The following SENP7 variants were observed in gnomAD, a reference collection of about 807,000 sequenced individuals.
The protein encoded by SENP7 is SUMO specific peptidase 7.
Under a neutral mutation model 141.2 loss-of-function variants are expected in SENP7, and 64 were observed. The observed-to-expected ratio is 0.45, with a 90% CI of 0.37 to 0.56. The LOEUF (loss-of-function observed/expected upper bound fraction) is 0.56, where lower values mean the gene tolerates loss of function less well. Among genes scored for constraint, SENP7 ranks in the 20% least tolerant of loss-of-function variants. SENP7 has a pLI of 0.00. For missense variants in SENP7, 1,025 were observed against 1,212.2 expected, an observed-to-expected ratio of 0.85 and a Z score of 2.29; for synonymous variants, 382 against 426.4, an observed-to-expected ratio of 0.90 and a Z score of 1.28.
intron 4 of SENP7, among the ~76,000 whole-genome samples, chr3:101,454,542 A>G (rs370672347): frequency 5.3e-5 from 8 of 152,142 alleles, no homozygotes; most frequent in African/African-American, 1.9e-4. Flanking sequence ...AAAAGAAAAC[A>G]TATGTCTACA....
At chr3:101,454,692 C>T (rs1307542225) in intron 4 of SENP7, among the ~76,000 whole-genome samples, 1 of 152,030 alleles carries the variant, frequency 6.6e-6, no homozygotes, top group Admixed American at 6.6e-5. Flanking sequence ...ATATATGCTA[C>T]AATATTAATA....
At position 101,341,846 on chromosome 3, in the gene SENP7, T is replaced by A. The variant is rs573964814; in HGVS notation, c.2107-67A>T. On this transcript the variant is annotated intron_variant, in intron 14 of 23. Coordinates refer to ENST00000394095, the MANE Select transcript of SENP7 (RefSeq NM_020654.5). ...CTTTCAAAAGAACAAAGTCAAAACG[T>A]AGACGTGTGAGAGAAAATGTGACTT... 3.5e-6 allele frequency: 5 copies of A among 1,447,428 alleles called. No homozygotes were observed. The African/African-American group carries it at 5.6e-5, about 16-fold the overall frequency. 89.7% of individuals were successfully genotyped at this position (1,447,428 alleles called of 1,614,324 possible). A position where few individuals can be genotyped will look rare whatever the true frequency, so the allele number is the denominator to read the frequency against.
At position 101,378,835 on chromosome 3, in the gene SENP7, C is replaced by T. The variant is rs190885367; in HGVS notation, c.678-6709G>A. Among the ~76,000 whole-genome samples the T allele has an allele frequency of 1.5e-3, 223 of 151,854 alleles. 1 individual carries two copies. The highest frequency in any genetic ancestry group is 2.4e-3 in the Non-Finnish European group (164 of 67,852). ...AAATAAGCCCTTAACTATAGAAAAA[C>T]AAAGACAAGAATTGTATCTCATTTC... is the stretch of plus-strand genomic sequence containing the variant. On this transcript the variant is annotated intron_variant, in intron 6 of 23. Coordinates refer to ENST00000394095, the MANE Select transcript of SENP7 (RefSeq NM_020654.5).
chr3:101,405,183 C>A (rs1272665557), intron 5 of SENP7, among the ~76,000 whole-genome samples: 1 of 152,152 alleles, frequency 6.6e-6, no homozygotes, highest in East Asian at 1.9e-4. Flanking sequence ...AGTACACCAG[C>A]ATGACCCAGG....
In SENP7 at chr3:101,364,228, AAAAGAAAG is replaced by A. The variant is rs142675849; in HGVS notation, c.1476+598_1476+605del. On this transcript the variant is annotated intron_variant, in intron 10 of 23. Transcript: ENST00000394095. ...GGTGACAGGGCAAGACCTTGTCTCA[AAAAGAAAG>A]AAAGAAAGAAAGAAAGAAAGAATAC... Among the ~76,000 whole-genome samples the A allele has an allele frequency of 3.1e-4, 46 of 148,768 alleles. 1 individual carries two copies. The highest frequency in any genetic ancestry group is 1.3e-3 in the South Asian group (6 of 4,692).
At chr3:101,375,098 A>T (rs953015101) in intron 6 of SENP7, among the ~76,000 whole-genome samples, 22 of 151,806 alleles carry the variant, frequency 1.4e-4, no homozygotes, top group South Asian at 4.2e-4. Context: ...TTAAAAAAAA[A>T]TTTTTTTTTC....
intron 3 of SENP7, among the ~76,000 whole-genome samples, chr3:101,489,897 AGCCCAGGCCGG>A (rs1452182298): frequency 1.3e-5 from 2 of 152,196 alleles, no homozygotes; most frequent in Admixed American, 1.3e-4. Context: ...ATTAAAACCA[AGCCCAGGCCGG>A]GCACAGTGGT....
intron 7 of SENP7, among the ~76,000 whole-genome samples, chr3:101,368,994 T>C (rs921361916): frequency 6.6e-6 from 1 of 152,198 alleles, no homozygotes; most frequent in Non-Finnish European, 1.5e-5. Flanking sequence ...TTTCTTCTTT[T>C]CAATAATCAA....
In SENP7 at chr3:101,417,583, A is replaced by G. The variant is rs775799404; in HGVS notation, c.482+10T>C. ...GGTAAGTTGAACAAAATCAATACTG[A>G]ACAACATACCTTTCAGATAAATTAA... On this transcript the variant is annotated intron_variant, in intron 5 of 23. Coordinates refer to ENST00000394095, the MANE Select transcript of SENP7 (RefSeq NM_020654.5). The G allele has an allele frequency of 4.2e-5, 68 of 1,601,904 alleles. No homozygotes were observed. The Admixed American group carries it at 1.1e-3, about 27-fold the overall frequency.
chr3:101,398,726 C>A, intron 6 of SENP7, 135 bp downstream of exon 6: 1 of 639,724 alleles, frequency 1.6e-6, no homozygotes, highest in African/African-American at 1.8e-5. Flanking sequence ...TTCCAGCCAC[C>A]CGGGGAGAAA....
At position 101,325,783 on chromosome 3, in the gene SENP7, AT is replaced by A; in HGVS notation, c.*159del. 1 of 507,736 alleles carries A rather than the reference AT, an allele frequency of 2.0e-6. No homozygotes were observed. The highest frequency in any genetic ancestry group is 4.1e-5 in the Admixed American group (1 of 24,108). 31.5% of individuals were successfully genotyped at this position (507,736 alleles called of 1,614,324 possible). ...CCATTCCATCTATGAGATCCCAACAATTCTAATAATGTGTCCTACATATTTT... is the reference window on the plus strand; with the variant it reads ...CCATTCCATCTATGAGATCCCAACAATCTAATAATGTGTCCTACATATTTT... On this transcript the variant is annotated 3_prime_UTR_variant, in exon 24 of 24. Transcript: ENST00000394095.
At chr3:101,485,920 C>A (rs1352053113) in intron 3 of SENP7, among the ~76,000 whole-genome samples, 3 of 151,902 alleles carry the variant, frequency 2.0e-5, no homozygotes, top group Non-Finnish European at 4.4e-5. Flanking sequence ...AGAAAAAAAA[C>A]AATAAAAAGT....
chr3:101,414,509 G>A, intron 5 of SENP7: 2 of 1,558,516 alleles, frequency 1.3e-6, no homozygotes, highest in Non-Finnish European at 1.8e-6. Context: ...GCTGCTGGGA[G>A]TAAGGAGCTT....
intron 5 of SENP7, among the ~76,000 whole-genome samples, chr3:101,408,530 T>C (rs1284022859): frequency 6.6e-6 from 1 of 152,002 alleles, no homozygotes; most frequent in Non-Finnish European, 1.5e-5. Flanking sequence ...GCAAAAGTCC[T>C]TAACAAAATA....
rs775126884 is a variant in SENP7 at position 101,332,160 on chromosome 3, A to G, written c.2574-51T>C. The G allele has an allele frequency of 3.9e-6, 6 of 1,556,164 alleles. 1 individual carries two copies. The highest frequency in any genetic ancestry group is 1.7e-4 in the Middle Eastern group (1 of 5,912). The stretch of plus-strand genomic sequence containing the variant: ...ATACCATGCAAAGTCTAAACAACAT[A>G]TAATATATTCTAGAGATACATCTGA... On this transcript the variant is annotated intron_variant, in intron 18 of 23. Transcript: ENST00000394095.
chr3:101,453,888 AC>A (rs2063252631), intron 4 of SENP7, among the ~76,000 whole-genome samples: 1 of 152,100 alleles, frequency 6.6e-6, no homozygotes. Flanking sequence ...AAAAAAAAAA[AC>A]AAATGACCAA....
Position 101,513,116 on chromosome 3 carries a change from C to T in SENP7, c.15G>A (p.Lys5=), listed in dbSNP as rs1355722160. 1.3e-6 allele frequency: 2 copies of T among 1,592,606 alleles called. No homozygotes were observed. Among genetic ancestry groups the T allele is most frequent in the Non-Finnish European group, 1.7e-6 (2 of 1,167,014 alleles). MDKR[K]LGRRPSSSEI... is the part of the protein sequence containing the mutation. ...CGGATGAAGATGGCCGTCGCCCGAG[C>T]TTTCTCTTGTCCATCTTCTCCCGCT... is the stretch of plus-strand genomic sequence containing the variant. The change falls in exon 1 of 24, where the codon AAG becomes AAA. Residue 5 remains lysine, a synonymous_variant. Coordinates refer to ENST00000394095, the MANE Select transcript of SENP7 (RefSeq NM_020654.5).
At chr3:101,406,679 T>A (rs559339839) in intron 5 of SENP7, among the ~76,000 whole-genome samples, 1 of 152,082 alleles carries the variant, frequency 6.6e-6, no homozygotes, top group South Asian at 2.1e-4. Context: ...TTCCCTGGCC[T>A]TGCTAGAGAC....
intron 3 of SENP7, among the ~76,000 whole-genome samples, chr3:101,468,285 C>G (rs2063838630): frequency 6.6e-6 from 1 of 152,190 alleles, no homozygotes; most frequent in South Asian, 2.1e-4. Flanking sequence ...AAACACTCCT[C>G]AGGATATTAT....
Sources: gnomAD v4.1 joint callset for allele counts (sites outside exome capture counted in the v4.1 genomes callset) on GRCh38, gnomAD v4.1.1 for gene constraint, MANE v1.5 for transcripts, NCBI Gene and HGNC (gene_info 2026-07-23, HGNC 2026-07-21) for gene names.